RORA: variants seen among roughly 807,000 people sequenced by gnomAD.
RORA encodes nuclear receptor ROR-alpha.
Under a neutral mutation model 69.5 loss-of-function variants are expected in RORA, and 7 were observed. That is an observed-to-expected ratio of 0.10 (90% CI 0.06 to 0.19). The LOEUF is 0.19. Ranked by LOEUF, RORA falls within the 10% of genes least tolerant of loss-of-function variation. The pLI is 1.00. For missense variants in RORA, 457 were observed against 663.0 expected (o/e 0.69, Z 3.41); for synonymous variants, 261 against 240.8 (o/e 1.08, Z -0.78).
intron 1 of RORA, among the ~76,000 whole-genome samples, chr15:61,095,736 G>A (rs2078779847): frequency 1.3e-5 from 2 of 152,218 alleles, no homozygotes; most frequent in Non-Finnish European, 2.9e-5. Flanking sequence ...GCTTGTTCGA[G>A]GTGGAGTGCT....
intron 1 of RORA, among the ~76,000 whole-genome samples, chr15:61,005,409 A>C (rs1225996973): frequency 2.0e-5 from 3 of 152,146 alleles, no homozygotes; most frequent in Non-Finnish European, 4.4e-5. Context: ...GAACCTGGAA[A>C]GTGGAGGCTG....
In RORA at chr15:60,712,233, T is replaced by A. The variant is rs557763096; in HGVS notation, c.167-33547A>T. ...CTACATATTCTATTTGGATTACAAG[T>A]GATTGTCTAACATTTTTAAAAAAGT... On this transcript the variant is annotated intron_variant, in intron 1 of 10. Transcript: ENST00000335670. Among the ~76,000 whole-genome samples, 15 of 152,328 alleles carry A rather than the reference T, an allele frequency of 9.8e-5. No homozygotes were observed. The East Asian group carries it at 2.1e-3, about 22-fold the overall frequency.
intron 1 of RORA, among the ~76,000 whole-genome samples, chr15:60,780,463 G>A (rs1008965351): frequency 7.2e-5 from 11 of 152,188 alleles, no homozygotes; most frequent in African/African-American, 2.7e-4. Flanking sequence ...AAAAGAATCA[G>A]GCGAGCTTCT....
intron 1 of RORA, among the ~76,000 whole-genome samples, chr15:60,966,727 A>G (rs1451522153): frequency 2.6e-5 from 4 of 152,228 alleles, no homozygotes; most frequent in Admixed American, 6.5e-5. Flanking sequence ...TGTTGTAAAT[A>G]TGTTGCATCA....
chr15:60,547,195 C>T (rs2067096852), intron 2 of RORA, among the ~76,000 whole-genome samples: 1 of 152,124 alleles, frequency 6.6e-6, no homozygotes, highest in African/African-American at 2.4e-5. Context: ...AACCTTGACA[C>T]CAAAATGAGG....
At chr15:61,042,335 C>T (rs1207832786) in intron 1 of RORA, among the ~76,000 whole-genome samples, 1 of 152,110 alleles carries the variant, frequency 6.6e-6, no homozygotes, top group Non-Finnish European at 1.5e-5. Context: ...TGGAACTGTT[C>T]CAAGATGGCA....
intron 1 of RORA, among the ~76,000 whole-genome samples, chr15:61,059,952 A>AAGAGGAAGAG (rs2078151596): frequency 8.2e-6 from 1 of 122,370 alleles, no homozygotes; most frequent in East Asian, 2.3e-4. Context: ...AAGAAGAAGA[A>AAGAGGAAGAG]GAAGAAGAAG....
At chr15:60,699,852 A>T (rs2070957409) in intron 1 of RORA, among the ~76,000 whole-genome samples, 1 of 152,194 alleles carries the variant, frequency 6.6e-6, no homozygotes. Flanking sequence ...TATTAAAAAA[A>T]AAAAGACCCC....
intron 2 of RORA, chr15:60,592,786 T>G: frequency 1.4e-6 from 1 of 709,316 alleles, no homozygotes; most frequent in Non-Finnish European, 2.0e-6. Flanking sequence ...GGCGCCCGCC[T>G]TCCCCTCGCC....
intron 2 of RORA, chr15:60,592,376 C>T: frequency 7.0e-7 from 1 of 1,421,994 alleles, no homozygotes. Context: ...CGGCGGGGCG[C>T]CCGGGCTCAC....
At chr15:60,506,936 G>A (rs547937666) in intron 5 of RORA, among the ~76,000 whole-genome samples, 3 of 151,380 alleles carry the variant, frequency 2.0e-5, no homozygotes, top group Non-Finnish European at 2.9e-5. Flanking sequence ...GCAGTGAGCC[G>A]AGATCACACC....
At chr15:60,786,110 C>T (rs780232430) in intron 1 of RORA, among the ~76,000 whole-genome samples, 1 of 152,210 alleles carries the variant, frequency 6.6e-6, no homozygotes, top group Non-Finnish European at 1.5e-5. Context: ...TTCCAGGCCT[C>T]TGGGGGCTTC....
intron 1 of RORA, among the ~76,000 whole-genome samples, chr15:60,828,100 C>T (rs1219065674): frequency 6.6e-6 from 1 of 152,112 alleles, no homozygotes; most frequent in Non-Finnish European, 1.5e-5. Context: ...GGGCACTGCA[C>T]CTGGAAAAGG....
chr15:60,714,658 C>G (rs909132912), intron 1 of RORA, among the ~76,000 whole-genome samples: 2 of 152,106 alleles, frequency 1.3e-5, no homozygotes, highest in Non-Finnish European at 2.9e-5. Context: ...AGCCACCGTG[C>G]CTGGTCAATT....
At position 60,542,677 on chromosome 15, in the gene RORA, G is replaced by T. The variant is rs1476100644; in HGVS notation, c.197-10826C>A. ...GCACACCTCACACACATGGCACACG[G>T]GCACACCTCCCACACACGGCACACG... is the stretch of plus-strand genomic sequence containing the variant. On this transcript the variant is annotated intron_variant, in intron 2 of 10. Coordinates refer to ENST00000335670, the MANE Select transcript of RORA (RefSeq NM_134261.3). Among the ~76,000 whole-genome samples the T allele has an allele frequency of 1.7e-4, 18 of 108,948 alleles. 1 individual carries two copies. Among genetic ancestry groups the T allele is most frequent in the African/African-American group, 7.3e-4 (16 of 21,784 alleles). The allele number at this position is 108,948 out of a possible 152,430, so 71.5% of individuals were successfully genotyped here.
At position 60,831,863 on chromosome 15, in the gene RORA, G is replaced by A. The variant is rs576277545; in HGVS notation, c.167-153177C>T. The stretch of plus-strand genomic sequence containing the variant: ...TAAAAACAAGCGAGTAAGGTTCAAG[G>A]TTGCCCCTATAAAACATCACTCTCA... On this transcript the variant is annotated intron_variant, in intron 1 of 10. Transcript: ENST00000335670. Among the ~76,000 whole-genome samples the A allele has an allele frequency of 5.3e-5, 8 of 152,254 alleles. No individual in the cohort carries two copies. In the South Asian group the frequency reaches 8.3e-4, roughly 16 times the overall value.
chr15:61,006,546 T>G (rs1373753521), intron 1 of RORA, among the ~76,000 whole-genome samples: 1 of 152,070 alleles, frequency 6.6e-6, no homozygotes, highest in African/African-American at 2.4e-5. Context: ...CTCCATGAAG[T>G]GACAAATAAA....
intron 1 of RORA, among the ~76,000 whole-genome samples, chr15:60,828,235 C>G (rs1299630353): frequency 1.3e-5 from 2 of 152,148 alleles, no homozygotes; most frequent in African/African-American, 4.8e-5. Flanking sequence ...AGGCAGCACC[C>G]TTCCCTATCC....
In RORA at chr15:60,492,998, T is replaced by A. The variant is rs1595853036; in HGVS notation, c.*4457A>T. On this transcript the variant is annotated 3_prime_UTR_variant, in exon 11 of 11. Coordinates refer to ENST00000335670, the MANE Select transcript of RORA (RefSeq NM_134261.3). ...GAGTTTTAGGAGATCCCTGAGCACA[T>A]TGTTTCTGACTCTTAACCCCAACTC... 6.6e-6 allele frequency: 1 copy of A among 152,250 alleles called. No individual in the cohort carries two copies. The highest frequency in any genetic ancestry group is 1.9e-4 in the East Asian group (1 of 5,192). The allele number at this position is 152,250 out of a possible 1,614,324, so 9.4% of individuals were successfully genotyped here.
Sources: gnomAD v4.1 joint callset for allele counts (sites outside exome capture counted in the v4.1 genomes callset) on GRCh38, gnomAD v4.1.1 for gene constraint, MANE v1.5 for transcripts, NCBI Gene and HGNC (gene_info 2026-07-23, HGNC 2026-07-21) for gene names.